DHX32: variants seen among roughly 807,000 people sequenced by gnomAD.
DHX32 encodes putative pre-mRNA-splicing factor ATP-dependent RNA helicase DHX32.
Under a neutral mutation model 70.0 loss-of-function variants are expected in DHX32, and 51 were observed. The observed-to-expected ratio is 0.73, with a 90% CI of 0.58 to 0.92. DHX32 has a LOEUF of 0.92. Among genes scored for constraint, DHX32 ranks in the 40% least tolerant of loss-of-function variants. The pLI, the probability that DHX32 is intolerant of heterozygous loss-of-function variation, is 0.00. For missense variants in DHX32, 762 were observed against 891.8 expected (o/e 0.85, Z 1.85); for synonymous variants, 310 against 315.3 (o/e 0.98, Z 0.18).
chr10:125,878,549 T>A (rs2134071459), intron 1 of DHX32, among the ~76,000 whole-genome samples: 1 of 152,372 alleles, frequency 6.6e-6, no homozygotes, highest in African/African-American at 2.4e-5. Flanking sequence ...TTCCCGTGTA[T>A]ACATGAGGCA....
intron 8 of DHX32, 61 bp from the exon 9 acceptor site, chr10:125,839,249 A>T (rs931065044): frequency 5.6e-5 from 87 of 1,546,186 alleles, no homozygotes; most frequent in Middle Eastern, 3.4e-4. Context: ...TGAAGAGCCC[A>T]GGCCAGGCAG....
At chr10:125,843,969 A>G (rs1854946696) in intron 6 of DHX32, among the ~76,000 whole-genome samples, 1 of 152,204 alleles carries the variant, frequency 6.6e-6, no homozygotes, top group African/African-American at 2.4e-5. Flanking sequence ...ATGTTTTCCC[A>G]TCAAGATTTA....
upstream of DHX32, among the ~76,000 whole-genome samples, chr10:125,883,726 T>G (rs1309602314): frequency 6.6e-6 from 1 of 152,356 alleles, no homozygotes; most frequent in Non-Finnish European, 1.5e-5. Context: ...ACCAGACTTC[T>G]GCCTTCTTAA....
chr10:125,860,398 A>G (rs1944179130), intron 2 of DHX32, among the ~76,000 whole-genome samples: 1 of 152,228 alleles, frequency 6.6e-6, no homozygotes, highest in African/African-American at 2.4e-5. Flanking sequence ...TTTCAAGGAA[A>G]GGATACAAGA....
chr10:125,848,898 G>A lies in DHX32; in HGVS notation c.1351+3395C>T, dbSNP rs182485726. 2.2e-4 allele frequency among the ~76,000 whole-genome samples: 33 copies of A among 152,288 alleles called. No homozygotes were observed. The East Asian group carries it at 6.4e-3, about 29-fold the overall frequency. On this transcript the variant is annotated intron_variant, in intron 6 of 10. Transcript: ENST00000284690. ...TGATTATCCTCATATTCAGATAAATGAAGTGAAGCAATGAGAGTCCTAATT... is the reference window on the plus strand; with the variant it reads ...TGATTATCCTCATATTCAGATAAATAAAGTGAAGCAATGAGAGTCCTAATT...
At position 125,874,060 on chromosome 10, in the gene DHX32, G is replaced by A. The variant is rs192455786; in HGVS notation, c.282+6483C>T. On this transcript the variant is annotated intron_variant, in intron 1 of 10. Transcript: ENST00000284690. ...ATGTTTTTCTCTCTCTTTTAGGATCGTTCATAACCTGTCTGCAAAAAATGT... is the reference window on the plus strand; with the variant it reads ...ATGTTTTTCTCTCTCTTTTAGGATCATTCATAACCTGTCTGCAAAAAATGT... Among the ~76,000 whole-genome samples the A allele has an allele frequency of 4.6e-3, 696 of 152,188 alleles. 2 individuals carry two copies. Among genetic ancestry groups the A allele is most frequent in the Non-Finnish European group, 8.0e-3 (541 of 68,000 alleles).
chr10:125,855,549 TG>T (rs1944140116), intron 3 of DHX32, among the ~76,000 whole-genome samples: 1 of 150,488 alleles, frequency 6.6e-6, no homozygotes, highest in Non-Finnish European at 1.5e-5. Flanking sequence ...CTCAGGTTCA[TG>T]CCATTCTCCT....
At chr10:125,895,799 G>C (rs1488019089) in intron 1 of DHX32, among the ~76,000 whole-genome samples, 1 of 152,218 alleles carries the variant, frequency 6.6e-6, no homozygotes, top group Admixed American at 6.5e-5. Flanking sequence ...ATGGGACACG[G>C]GGATGACGGG....
At chr10:125,880,434 G>GT (rs1944310181) in intron 1 of DHX32, 109 bp downstream of exon 1, 2 of 1,156,616 alleles carry the variant, frequency 1.7e-6, no homozygotes, top group Non-Finnish European at 1.2e-6. Flanking sequence ...ATAATGTTTT[G>GT]TTTTTTGTTT....
At chr10:125,860,566 T>C (rs929730703) in intron 2 of DHX32, among the ~76,000 whole-genome samples, 9 of 152,158 alleles carry the variant, frequency 5.9e-5, no homozygotes, top group Non-Finnish European at 1.0e-4. Context: ...AAGGGCAGCA[T>C]GAAAACTGGC....
intron 10 of DHX32, 115 bp from the exon 11 acceptor site, chr10:125,836,970 T>G (rs1854710874): frequency 1.2e-6 from 1 of 839,226 alleles, no homozygotes; most frequent in African/African-American, 1.7e-5. Context: ...AACCGGTATT[T>G]AATTTGAACT....
chr10:125,887,294 G>A (rs1032999183), intron 1 of DHX32, among the ~76,000 whole-genome samples: 4 of 152,172 alleles, frequency 2.6e-5, no homozygotes, highest in Non-Finnish European at 5.9e-5. Context: ...AGGCAGGTCT[G>A]GTTAGGTGAG....
chr10:125,869,987 C>CT (rs1944246757), intron 1 of DHX32, among the ~76,000 whole-genome samples: 1 of 152,092 alleles, frequency 6.6e-6, no homozygotes, highest in Non-Finnish European at 1.5e-5. Flanking sequence ...CACTAACAGA[C>CT]TAATTATGCA....
intron 2 of DHX32, among the ~76,000 whole-genome samples, chr10:125,861,445 C>T (rs368875719): frequency 6.6e-6 from 1 of 152,072 alleles, no homozygotes; most frequent in African/African-American, 2.4e-5. Context: ...TGCAGTGAGC[C>T]GAGATTGCGC....
At chr10:125,851,642 AAT>A (rs1408658766) in intron 6 of DHX32, among the ~76,000 whole-genome samples, 1 of 152,188 alleles carries the variant, frequency 6.6e-6, no homozygotes, top group Non-Finnish European at 1.5e-5. Flanking sequence ...AGGAGACTAG[AAT>A]ATGCCACCCC....
rs535736548 is a variant in DHX32 at position 125,852,331 on chromosome 10, A to G, written c.1313T>C (p.Ile438Thr). 6.2e-7 allele frequency: 1 copy of G among 1,614,182 alleles called. No individual in the cohort carries two copies. The highest frequency in any genetic ancestry group is 1.3e-5 in the African/African-American group (1 of 75,042). Residue 438 changes from isoleucine to threonine, a missense_variant, in exon 6 of 11, where the codon ATT becomes ACT. Physicochemically the swap from Ile to Thr is moderately conservative, Grantham distance 89 (BLOSUM62 -1). Coordinates refer to ENST00000284690, the MANE Select transcript of DHX32 (RefSeq NM_018180.3). Reference protein sequence around the residue: ...SMVLFMKRIDIAGLGHCDFMN... With the variant: ...SMVLFMKRIDTAGLGHCDFMN... Reference sequence around the variant, plus strand: ...GAAGTCACAGTGGCCTAGGCCCGCAATGTCTATCCTCTTCATAAAAAGCAC... The same window carrying G: ...GAAGTCACAGTGGCCTAGGCCCGCAGTGTCTATCCTCTTCATAAAAAGCAC...
chr10:125,855,317 G>T (rs541074362), intron 3 of DHX32, among the ~76,000 whole-genome samples: 1 of 152,112 alleles, frequency 6.6e-6, no homozygotes, highest in East Asian at 1.9e-4. Flanking sequence ...AGGAGGACAC[G>T]CATTCATTCC....
chr10:125,841,481 A>G, intron 7 of DHX32: 1 of 1,462,876 alleles, frequency 6.8e-7, no homozygotes, highest in Non-Finnish European at 9.0e-7. Flanking sequence ...TTATTTCAGC[A>G]AAAGAAATCT....
Position 125,836,773 on chromosome 10 carries a change from G to A in DHX32, c.2146C>T (p.His716Tyr), listed in dbSNP as rs1564821030. The stretch of plus-strand genomic sequence containing the variant: ...TTCATTGTTGACACAGGGGATAGGT[G>A]ATCCACTACTTGCTGTAGAATGTCC... ...SKDILQQVVD[H>Y]LSPVSTMNKE... The change falls in exon 11 of 11, where the codon CAC becomes TAC. Residue 716 changes from histidine to tyrosine, a missense_variant. His to Tyr is a moderately conservative substitution (Grantham distance 83). Around this residue, in one of 3 missense-constraint regions of DHX32, gnomAD observed 366 missense variants for 402.6 expected, o/e 0.91. Transcript: ENST00000284690. The A allele has an allele frequency of 1.2e-6, 2 of 1,614,064 alleles. No individual in the cohort carries two copies. The highest frequency in any genetic ancestry group is 2.2e-5 in the East Asian group (1 of 44,862).
Sources: gnomAD v4.1 joint callset for allele counts (sites outside exome capture counted in the v4.1 genomes callset) on GRCh38, gnomAD v4.1.1 for gene constraint, gnomAD v4.1.1 regional missense constraint, MANE v1.5 for transcripts, NCBI Gene and HGNC (gene_info 2026-07-23, HGNC 2026-07-21) for gene names.